CAMK2G: variants seen among roughly 807,000 people sequenced by gnomAD.
CAMK2G encodes the protein calcium/calmodulin dependent protein kinase II gamma.
A neutral mutation model predicts 88.7 loss-of-function variants in CAMK2G; 23 were observed. That is an observed-to-expected ratio of 0.26 (90% CI 0.19 to 0.37). The LOEUF (loss-of-function observed/expected upper bound fraction) is 0.37, where lower values mean the gene tolerates loss of function less well. Ranked by LOEUF, CAMK2G falls within the 10% of genes least tolerant of loss-of-function variation. The pLI, the probability that CAMK2G is intolerant of heterozygous loss-of-function variation, is 1.00. For missense variants in CAMK2G, 476 were observed against 780.8 expected (o/e 0.61, Z 4.65); for synonymous variants, 263 against 294.8 (o/e 0.89, Z 1.11).
intron 16 of CAMK2G, 67 bp from the exon 17 acceptor site, chr10:73,824,151 C>A: frequency 4.2e-6 from 5 of 1,184,372 alleles, no homozygotes; most frequent in East Asian, 2.3e-5. Flanking sequence ...CTGAGGAGCC[C>A]CACCTGCACC....
chr10:73,837,617 C>G (rs1590358318), intron 13 of CAMK2G, 106 bp from the exon 14 acceptor site: 1 of 907,124 alleles, frequency 1.1e-6, no homozygotes. Context: ...ACAAGGGGGC[C>G]AAGGGTCTCC....
chr10:73,836,613 C>T (rs965471872), intron 14 of CAMK2G, among the ~76,000 whole-genome samples: 5 of 152,026 alleles, frequency 3.3e-5, no homozygotes, highest in African/African-American at 4.8e-5. Context: ...GGGGAGGGAA[C>T]GGGGCTTGTG....
chr10:73,824,049 A>T lies in CAMK2G; in HGVS notation c.1191T>A (p.Asp397Glu). 1 of 1,613,484 alleles carries T rather than the reference A, an allele frequency of 6.2e-7. No individual in the cohort carries two copies. Reference protein sequence around the residue: ...PQTTVVHNATDGIKGSTESCN... With the variant: ...PQTTVVHNATEGIKGSTESCN... Reference sequence around the variant, plus strand: ...CTCAGGAGCCACTCACCTTGATCCCATCTGTAGCGTTGTGTACCACAGTGG... The same window carrying T: ...CTCAGGAGCCACTCACCTTGATCCCTTCTGTAGCGTTGTGTACCACAGTGG... The change falls in exon 17 of 23, where the codon GAT becomes GAA. Residue 397 changes from aspartate (D) to glutamate (E), a missense_variant. Asp to Glu is a conservative substitution (Grantham distance 45). Transcript: ENST00000423381.
At chr10:73,873,692 C>T (rs373293927) in intron 1 of CAMK2G, among the ~76,000 whole-genome samples, 2 of 128,958 alleles carry the variant, frequency 1.6e-5, no homozygotes, top group South Asian at 5.0e-4. Context: ...CCCCGTCAAA[C>T]GGGAGCTCGC....
chr10:73,836,307 A>G (rs2093209944), intron 14 of CAMK2G, among the ~76,000 whole-genome samples: 1 of 152,098 alleles, frequency 6.6e-6, no homozygotes, highest in African/African-American at 2.4e-5. Flanking sequence ...CCCCCTTCCT[A>G]TGGCGACTGA....
At chr10:73,815,372 C>CCA in intron 21 of CAMK2G, 125 bp from the exon 22 acceptor site, 1 of 655,286 alleles carries the variant, frequency 1.5e-6, no homozygotes. Context: ...AAGTACCGCC[C>CCA]CCCCCCACCC....
intron 21 of CAMK2G, 120 bp downstream of exon 21, chr10:73,816,903 G>A: frequency 6.2e-7 from 1 of 1,610,276 alleles, no homozygotes; most frequent in Non-Finnish European, 8.5e-7. Context: ...CAGAGTAGGA[G>A]TGCAGCACGA....
chr10:73,855,858 A>G (rs1205857980), intron 3 of CAMK2G, among the ~76,000 whole-genome samples: 1 of 152,248 alleles, frequency 6.6e-6, no homozygotes, highest in Non-Finnish European at 1.5e-5. Context: ...TTTAATTTGT[A>G]AAGAAATTAA....
chr10:73,848,065 G>T lies in CAMK2G; in HGVS notation c.619C>A (p.Leu207Ile). Reference sequence around the variant, plus strand: ...CAGAAGGGAGGATAGCCCACCAGGAGGATATACAGGATGACCCCTACGAGA... The same window carrying T: ...CAGAAGGGAGGATAGCCCACCAGGATGATATACAGGATGACCCCTACGAGA... Reference protein sequence around the residue: ...IWACGVILYILLVGYPPFWDE... With the variant: ...IWACGVILYIILVGYPPFWDE... Residue 207 changes from leucine to isoleucine, a missense_variant, in exon 9 of 23, where the codon CTC becomes ATC. Leu to Ile is a conservative substitution (Grantham distance 5). This residue lies in a region of CAMK2G where 164 missense variants were observed against 385.6 expected (regional missense o/e 0.43). Transcript: ENST00000423381. The surrounding 1 kb of genome is among the most constrained non-coding windows in gnomAD (Gnocchi z 4.5). 1 of 1,604,078 alleles carries T rather than the reference G, an allele frequency of 6.2e-7. No homozygotes were observed. The highest frequency in any genetic ancestry group is 8.5e-7 in the Non-Finnish European group (1 of 1,170,968).
intron 22 of CAMK2G, 38 bp downstream of exon 22, chr10:73,814,965 G>A: frequency 7.0e-7 from 1 of 1,418,922 alleles, no homozygotes; most frequent in Non-Finnish European, 9.8e-7. Flanking sequence ...ACCTATCCCA[G>A]GCCCTTCCAG....
chr10:73,869,051 G>GA (rs2095704423), intron 2 of CAMK2G, among the ~76,000 whole-genome samples: 2 of 152,184 alleles, frequency 1.3e-5, no homozygotes, highest in Admixed American at 6.5e-5. Flanking sequence ...ATGGGCCAAG[G>GA]TGTGTCTGTT....
At chr10:73,873,668 A>C in intron 1 of CAMK2G, 2 of 295,620 alleles carry the variant, frequency 6.8e-6, no homozygotes, top group Non-Finnish European at 9.3e-6. Flanking sequence ...TTCCCATGCT[A>C]TTTTCCTTGA....
chr10:73,832,738 A>G (rs1053666062), intron 14 of CAMK2G, among the ~76,000 whole-genome samples: 3 of 152,130 alleles, frequency 2.0e-5, no homozygotes, highest in African/African-American at 7.2e-5. Context: ...ATTTCCCATA[A>G]TTATTTAGTC....
chr10:73,845,576 CAAAAAAAA>C (rs987303671), intron 10 of CAMK2G, among the ~76,000 whole-genome samples: 1 of 100,300 alleles, frequency 1.0e-5, no homozygotes, highest in African/African-American at 3.8e-5. Flanking sequence ...GACTCCATCT[CAAAAAAAA>C]AAAAAAAAAG....
At chr10:73,863,257 C>T (rs542531535) in intron 2 of CAMK2G, among the ~76,000 whole-genome samples, 7 of 152,316 alleles carry the variant, frequency 4.6e-5, no homozygotes, top group Admixed American at 2.0e-4. Flanking sequence ...GCATGACCAC[C>T]GACCAGGATG....
intron 18 of CAMK2G, among the ~76,000 whole-genome samples, chr10:73,819,865 C>A (rs1053384641): frequency 5.9e-5 from 9 of 152,218 alleles, no homozygotes; most frequent in Non-Finnish European, 1.2e-4. Flanking sequence ...GGCAGGTGCC[C>A]AGACCTGGGC....
intron 2 of CAMK2G, 39 bp from the exon 3 acceptor site, chr10:73,860,928 C>T (rs1190930600): frequency 6.9e-7 from 1 of 1,458,750 alleles, no homozygotes; most frequent in South Asian, 1.1e-5. Flanking sequence ...CATCAACCAT[C>T]CATTCTCCTT....
intron 2 of CAMK2G, among the ~76,000 whole-genome samples, chr10:73,867,971 C>T (rs1046310590): frequency 3.9e-5 from 6 of 152,148 alleles, no homozygotes; most frequent in African/African-American, 1.2e-4. Flanking sequence ...AGCGGTCCTG[C>T]GGCAGATCTG....
At chr10:73,849,205 A>G (rs2094455400) in intron 6 of CAMK2G, 56 bp downstream of exon 6, 1 of 1,547,868 alleles carries the variant, frequency 6.5e-7, no homozygotes, top group African/African-American at 1.4e-5. Context: ...ACTATCTGGC[A>G]CCAGGTGGCG....
Sources: gnomAD v4.1 joint callset for allele counts (sites outside exome capture counted in the v4.1 genomes callset) on GRCh38, gnomAD v4.1.1 for gene constraint, gnomAD v4.1.1 regional missense constraint, Gnocchi (gnomAD v3.1) non-coding constraint, MANE v1.5 for transcripts, NCBI Gene and HGNC (gene_info 2026-07-23, HGNC 2026-07-21) for gene names.